The following ARK2C variants were observed in gnomAD, a reference collection of about 807,000 sequenced individuals.
ARK2C encodes the protein arkadia (RNF111) C-terminal like ring finger ubiquitin ligase 2C.
At chr18:46,375,596 T>TAAC in the ARK2C span, among the ~76,000 whole-genome samples, 4 of 130,754 alleles carry the variant, frequency 3.1e-5, no homozygotes, top group African/African-American at 8.5e-5. Flanking sequence ...ATAATAATAA[T>TAAC]AACTTGTCCT....
At chr18:46,350,803 ACT>A in the ARK2C span, among the ~76,000 whole-genome samples, 1 of 152,216 alleles carries the variant, frequency 6.6e-6, no homozygotes, top group Non-Finnish European at 1.5e-5. Context: ...AGCCAGGCAC[ACT>A]CAGTCTTATT....
At chr18:46,423,029 T>C in the ARK2C span, among the ~76,000 whole-genome samples, 2 of 152,200 alleles carry the variant, frequency 1.3e-5, no homozygotes, top group African/African-American at 4.8e-5. Context: ...CTGCTGTCCA[T>C]CATCAGAGTC....
At chr18:46,412,498 G>A in the ARK2C span, among the ~76,000 whole-genome samples, 1 of 152,258 alleles carries the variant, frequency 6.6e-6, no homozygotes, top group African/African-American at 2.4e-5. Flanking sequence ...CCTGCTAGGA[G>A]ATGAGCCTCA....
chr18:46,361,810 G>A, the ARK2C span, among the ~76,000 whole-genome samples: 1 of 152,194 alleles, frequency 6.6e-6, no homozygotes, highest in Non-Finnish European at 1.5e-5. Context: ...GAGTGAATGA[G>A]ACTCTGATCC....
At chr18:46,400,128 G>T in the ARK2C span, among the ~76,000 whole-genome samples, 1 of 152,276 alleles carries the variant, frequency 6.6e-6, no homozygotes, top group South Asian at 2.1e-4. Flanking sequence ...CGGGTGTCCT[G>T]CTCCTCCAGC....
At chr18:46,450,334 T>G in the ARK2C span, 1 of 1,614,118 alleles carries the variant, frequency 6.2e-7, no homozygotes, top group Non-Finnish European at 8.5e-7. Flanking sequence ...ACCCTCAGCT[T>G]CACTTCCTTG....
At chr18:46,376,665 T>TG in the ARK2C span, among the ~76,000 whole-genome samples, 5 of 14,124 alleles carry the variant, frequency 3.5e-4, no homozygotes, top group African/African-American at 9.2e-4. Context: ...GTTAATAATC[T>TG]TTTTTTTTTT....
chr18:46,420,240 C>A, the ARK2C span, among the ~76,000 whole-genome samples: 1 of 152,214 alleles, frequency 6.6e-6, no homozygotes, highest in Non-Finnish European at 1.5e-5. Context: ...CTTCTAAACT[C>A]TTCCCCATCA....
At chr18:46,407,979 G>A in the ARK2C span, among the ~76,000 whole-genome samples, 2 of 152,208 alleles carry the variant, frequency 1.3e-5, no homozygotes, top group African/African-American at 4.8e-5. Flanking sequence ...GGGGGAGGTG[G>A]CATAGCAGCT....
the ARK2C span, among the ~76,000 whole-genome samples, chr18:46,359,383 G>A: frequency 6.6e-6 from 1 of 152,168 alleles, no homozygotes; most frequent in Non-Finnish European, 1.5e-5. Context: ...TCCAGGGTCA[G>A]GCAAAGGCCT....
the ARK2C span, among the ~76,000 whole-genome samples, chr18:46,380,228 C>T: frequency 1.3e-5 from 2 of 152,194 alleles, no homozygotes; most frequent in African/African-American, 4.8e-5. Context: ...GTGCCAGTCT[C>T]CTCTCCTATG....
At chr18:46,456,144 A>G in the ARK2C span, 1,021 of 987,858 alleles carry the variant, frequency 1.0e-3, 6 homozygotes, top group African/African-American at 0.013. Context: ...CAATCACTGC[A>G]CCGTGTGTCT....
chr18:46,437,251 T>C, the ARK2C span, among the ~76,000 whole-genome samples: 1 of 151,840 alleles, frequency 6.6e-6, no homozygotes, highest in Admixed American at 6.6e-5. Context: ...CTGATTCTCC[T>C]CCCTTGTAAT....
the ARK2C span, among the ~76,000 whole-genome samples, chr18:46,428,170 G>C: frequency 0.017 from 2,629 of 152,078 alleles, 76 homozygotes; most frequent in African/African-American, 0.06. Flanking sequence ...CAGCACGTTG[G>C]GAGGCCGAGG....
the ARK2C span, chr18:46,459,855 C>T: frequency 1.3e-5 from 2 of 152,710 alleles, no homozygotes; most frequent in African/African-American, 2.4e-5. Context: ...TCAAGGGACT[C>T]AGACCCTTTC....
the ARK2C span, among the ~76,000 whole-genome samples, chr18:46,365,219 G>A: frequency 1.3e-5 from 2 of 152,194 alleles, no homozygotes; most frequent in African/African-American, 4.8e-5. Flanking sequence ...GGCAGGGAGT[G>A]GCCTAAGCTC....
At chr18:46,355,073 C>T in the ARK2C span, among the ~76,000 whole-genome samples, 16 of 152,038 alleles carry the variant, frequency 1.1e-4, no homozygotes, top group Admixed American at 2.6e-4. Context: ...CCTTAGCCTC[C>T]GGAGTAGCTA....
At chr18:46,394,802 C>T in the ARK2C span, among the ~76,000 whole-genome samples, 4 of 152,146 alleles carry the variant, frequency 2.6e-5, no homozygotes, top group African/African-American at 9.7e-5. Flanking sequence ...CTGCAGGATC[C>T]AAAGGCTTCC....
At chr18:46,433,932 G>C in the ARK2C span, among the ~76,000 whole-genome samples, 1 of 152,160 alleles carries the variant, frequency 6.6e-6, no homozygotes, top group Non-Finnish European at 1.5e-5. Flanking sequence ...TAACACCCAA[G>C]CACCCTAAAG....
Sources: gnomAD v4.1 joint callset for allele counts (sites outside exome capture counted in the v4.1 genomes callset) on GRCh38, gnomAD v4.1.1 for gene constraint, MANE v1.5 for transcripts, NCBI Gene and HGNC (gene_info 2026-07-23, HGNC 2026-07-21) for gene names.